Variants in EBF1 observed in about 807,000 individuals in gnomAD.
EBF1 encodes EBF transcription factor 1.
A neutral mutation model predicts 68.4 loss-of-function variants in EBF1; 10 were observed. The observed-to-expected ratio is 0.15, with a 90% confidence interval of 0.09 to 0.25. The LOEUF is 0.25. EBF1 is among the 10% of genes least tolerant of loss of function. The pLI is 1.00. For missense variants in EBF1, 509 were observed against 794.4 expected, an observed-to-expected ratio of 0.64 and a Z score of 4.32; for synonymous variants, 298 against 299.8, an observed-to-expected ratio of 0.99 and a Z score of 0.06.
intron 6 of EBF1, among the ~76,000 whole-genome samples, chr5:159,044,948 A>G (rs1772033165): frequency 6.6e-6 from 1 of 152,326 alleles, no homozygotes; most frequent in African/African-American, 2.4e-5. Flanking sequence ...GCTAAAAACA[A>G]AGATTCAAAA....
chr5:158,800,319 T>C (rs1227000244), intron 8 of EBF1, among the ~76,000 whole-genome samples: 1 of 152,164 alleles, frequency 6.6e-6, no homozygotes, highest in Non-Finnish European at 1.5e-5. Context: ...TGCAGTTATA[T>C]GTGAACAAGT....
intron 1 of EBF1, among the ~76,000 whole-genome samples, chr5:159,098,985 A>G (rs918210215): frequency 6.6e-6 from 1 of 152,156 alleles, no homozygotes; most frequent in African/African-American, 2.4e-5. Flanking sequence ...GAAAGAAGAA[A>G]AGAGAGCCGG....
intron 6 of EBF1, among the ~76,000 whole-genome samples, chr5:159,035,148 C>G (rs181134379): frequency 6.6e-6 from 1 of 151,642 alleles, no homozygotes; most frequent in Non-Finnish European, 1.5e-5. Context: ...AGAGAGAGAA[C>G]GAGAACCAAG....
chr5:158,984,538 C>T lies in EBF1; in HGVS notation c.554+88858G>A, dbSNP rs529700065. Among the ~76,000 whole-genome samples the T allele has an allele frequency of 5.9e-5, 9 of 152,224 alleles. No individual in the cohort carries two copies. In the South Asian group the frequency reaches 1.9e-3, roughly 32 times the overall value. On this transcript the variant is annotated intron_variant, in intron 6 of 15. Coordinates refer to ENST00000313708, the MANE Select transcript of EBF1 (RefSeq NM_024007.5). ...GTAAGAGTGCCGTTTTCAATTTTCT[C>T]TTAATTGTTCTGATTACATCAATGA...
At chr5:158,831,781 T>C (rs1424116414) in intron 7 of EBF1, among the ~76,000 whole-genome samples, 1 of 152,172 alleles carries the variant, frequency 6.6e-6, no homozygotes, top group Non-Finnish European at 1.5e-5. Context: ...GACTTACAGG[T>C]ATGAGCCACC....
chr5:158,710,840 G>A (rs1037112043), intron 14 of EBF1, among the ~76,000 whole-genome samples: 2 of 152,198 alleles, frequency 1.3e-5, no homozygotes, highest in African/African-American at 4.8e-5. Flanking sequence ...TTAATTTAAT[G>A]GTACACCTAT....
chr5:158,834,438 T>G (rs1788279847), intron 7 of EBF1, among the ~76,000 whole-genome samples: 1 of 152,092 alleles, frequency 6.6e-6, no homozygotes, highest in Non-Finnish European at 1.5e-5. Context: ...GTATCCACTG[T>G]TGTATTTAAG....
At chr5:159,095,240 C>T (rs1428526877) in intron 4 of EBF1, among the ~76,000 whole-genome samples, 10 of 152,094 alleles carry the variant, frequency 6.6e-5, no homozygotes, top group Non-Finnish European at 1.5e-5. Flanking sequence ...CCCTCTGCTT[C>T]CCGGGGAGGC....
At chr5:159,017,385 C>A (rs1005625858) in intron 6 of EBF1, among the ~76,000 whole-genome samples, 1 of 152,186 alleles carries the variant, frequency 6.6e-6, no homozygotes, top group African/African-American at 2.4e-5. Context: ...TCTGATAACC[C>A]TGGGTTCAAA....
chr5:158,721,315 A>C (rs1375471382), intron 11 of EBF1, among the ~76,000 whole-genome samples: 1 of 152,198 alleles, frequency 6.6e-6, no homozygotes, highest in African/African-American at 2.4e-5. Context: ...AAATTAAACT[A>C]GGTTGTAAGC....
intron 6 of EBF1, among the ~76,000 whole-genome samples, chr5:158,894,162 C>T (rs1274042679): frequency 6.6e-6 from 1 of 152,072 alleles, no homozygotes; most frequent in Non-Finnish European, 1.5e-5. Context: ...TTCCAAGTTC[C>T]CAGCAAACAT....
Position 159,036,497 on chromosome 5 carries a change from G to T in EBF1, c.554+36899C>A, listed in dbSNP as rs370533236. Among the ~76,000 whole-genome samples the T allele has an allele frequency of 9.1e-4, 126 of 138,800 alleles. 1 individual carries two copies. The highest frequency in any genetic ancestry group is 3.1e-3 in the African/African-American group (111 of 35,278). The allele number at this position is 138,800 out of a possible 152,430, so 91.1% of individuals were successfully genotyped here. On this transcript the variant is annotated intron_variant, in intron 6 of 15. Transcript: ENST00000313708. ...ACAGAACAGAGCCCTCAGAAATAAC[G>T]CCGCATACCTACAACTATCTGATCT...
At chr5:159,031,045 G>A (rs1377646492) in intron 6 of EBF1, among the ~76,000 whole-genome samples, 1 of 152,064 alleles carries the variant, frequency 6.6e-6, no homozygotes, top group Non-Finnish European at 1.5e-5. Context: ...GCAGTGGTGT[G>A]TGCCTGTAAT....
At chr5:158,930,705 C>T (rs1810688703) in intron 6 of EBF1, among the ~76,000 whole-genome samples, 1 of 152,168 alleles carries the variant, frequency 6.6e-6, no homozygotes, top group Non-Finnish European at 1.5e-5. Flanking sequence ...TGCTTGTTCA[C>T]ATTTCTAAGG....
chr5:159,010,214 A>G (rs1764353599), intron 6 of EBF1, among the ~76,000 whole-genome samples: 1 of 152,216 alleles, frequency 6.6e-6, no homozygotes, highest in South Asian at 2.1e-4. Flanking sequence ...CTCGCAGATG[A>G]GATGGAGATG....
At chr5:158,775,774 AT>A (rs1775032011) in intron 10 of EBF1, among the ~76,000 whole-genome samples, 2 of 102,912 alleles carry the variant, frequency 1.9e-5, no homozygotes, top group African/African-American at 4.1e-5. Context: ...ACACACACAC[AT>A]GCACACAGAC....
intron 7 of EBF1, among the ~76,000 whole-genome samples, chr5:158,829,199 C>G (rs1786898629): frequency 6.6e-6 from 1 of 152,132 alleles, no homozygotes; most frequent in African/African-American, 2.4e-5. Flanking sequence ...ATTTTTGAGA[C>G]AGGGTCCTGC....
At chr5:158,750,617 A>G (rs1365421110) in intron 10 of EBF1, among the ~76,000 whole-genome samples, 1 of 152,118 alleles carries the variant, frequency 6.6e-6, no homozygotes, top group Non-Finnish European at 1.5e-5. Flanking sequence ...GCTAGATATA[A>G]TTTCCTAGAC....
chr5:158,840,356 G>A (rs1296882438), intron 6 of EBF1, among the ~76,000 whole-genome samples: 1 of 152,162 alleles, frequency 6.6e-6, no homozygotes, highest in East Asian at 1.9e-4. Flanking sequence ...TAAGCCCCAA[G>A]GAAGTATTTT....
Sources: gnomAD v4.1 joint callset for allele counts (sites outside exome capture counted in the v4.1 genomes callset) on GRCh38, gnomAD v4.1.1 for gene constraint, MANE v1.5 for transcripts, NCBI Gene and HGNC (gene_info 2026-07-23, HGNC 2026-07-21) for gene names.